Variants in PEDS1 observed in about 807,000 individuals in gnomAD.
PEDS1 encodes CarF homolog.
Under a neutral mutation model 35.2 loss-of-function variants are expected in PEDS1, and 14 were observed. The observed-to-expected ratio is 0.40, with a 90% CI of 0.26 to 0.62. The LOEUF is 0.62. Ranked by LOEUF, PEDS1 falls within the 20% of genes least tolerant of loss-of-function variation. The pLI is 0.44. For missense variants in PEDS1, 260 were observed against 367.8 expected (o/e 0.71, Z 2.40); for synonymous variants, 152 against 152.0 (o/e 1.00, Z 0.00).
At chr20:50,143,643 G>A in intron 1 of PEDS1, 22 bp from the exon 2 acceptor site, 10 of 1,613,588 alleles carry the variant, frequency 6.2e-6, no homozygotes, top group Non-Finnish European at 8.5e-6. Flanking sequence ...AGAGGCGAGA[G>A]GTAAAGGCTG....
At chr20:50,125,299 G>A (rs1391484674) in intron 5 of PEDS1, 120 bp from the exon 6 acceptor site, 3 of 1,343,610 alleles carry the variant, frequency 2.2e-6, no homozygotes, top group Non-Finnish European at 3.0e-6. Flanking sequence ...TACAGGATAG[G>A]ACACAGGGAC....
intron 2 of PEDS1, among the ~76,000 whole-genome samples, chr20:50,133,212 GGCCTGGGGT>G: frequency 6.6e-6 from 1 of 152,214 alleles, no homozygotes; most frequent in African/African-American, 2.4e-5. Flanking sequence ...CTGACGTCCA[GGCCTGGGGT>G]GAGGGGCAGC....
At chr20:50,147,505 G>T (rs1426503927) in intron 1 of PEDS1, among the ~76,000 whole-genome samples, 1 of 152,206 alleles carries the variant, frequency 6.6e-6, no homozygotes, top group Non-Finnish European at 1.5e-5. Context: ...CGTCAAGGAA[G>T]GAACTGAGTG....
At chr20:50,151,318 T>G (rs2081400509) in intron 1 of PEDS1, 1 of 1,303,194 alleles carries the variant, frequency 7.7e-7, no homozygotes, top group Non-Finnish European at 1.0e-6. Flanking sequence ...GAAGGGCACT[T>G]GGGGAAACCA....
In PEDS1 at chr20:50,122,933, TTA is replaced by T; in HGVS notation, c.*2123_*2124del. On this transcript the variant is annotated 3_prime_UTR_variant, in exon 6 of 6. Transcript: ENST00000371652. ...GACAACATAGTGAGACCCCATTTCT[TTA>T]AAAAAAAAAAAAAATAGCCAAGCCA... 1 of 109,804 alleles carries T rather than the reference TTA, an allele frequency of 9.1e-6. No homozygotes were observed. Among genetic ancestry groups the T allele is most frequent in the Non-Finnish European group, 1.8e-5 (1 of 55,858 alleles). The allele number at this position is 109,804 out of a possible 1,614,324, so 6.8% of individuals were successfully genotyped here.
At position 50,129,705 on chromosome 20, in the gene PEDS1, G is replaced by T; in HGVS notation, c.334-15C>A. 6.2e-7 allele frequency: 1 copy of T among 1,613,456 alleles called. No homozygotes were observed. Among genetic ancestry groups the T allele is most frequent in the East Asian group, 2.2e-5 (1 of 44,872 alleles). On this transcript the variant is annotated splice_polypyrimidine_tract_variant and intron_variant, in intron 3 of 5. Transcript: ENST00000371652. The surrounding 1 kb of genome is among the most constrained non-coding windows in gnomAD (Gnocchi z 4.2). ...CGGATGAAAGCCTGGAGTTGAGGGG[G>T]ACACAGCCCCAGCAGTCAGCCTAAG...
chr20:50,145,323 A>G (rs1197446982), intron 1 of PEDS1, among the ~76,000 whole-genome samples: 1 of 152,206 alleles, frequency 6.6e-6, no homozygotes, highest in African/African-American at 2.4e-5. Flanking sequence ...TGAGCCCAGG[A>G]GTTCAAGACC....
intron 1 of PEDS1, among the ~76,000 whole-genome samples, chr20:50,149,018 C>T (rs1016569654): frequency 3.3e-5 from 5 of 151,992 alleles, no homozygotes; most frequent in Non-Finnish European, 7.4e-5. Context: ...GAGGCTGAGG[C>T]GGGAGGATCA....
chr20:50,149,736 A>G (rs925941800), intron 1 of PEDS1, among the ~76,000 whole-genome samples: 2 of 152,100 alleles, frequency 1.3e-5, no homozygotes, highest in African/African-American at 4.8e-5. Context: ...CCTGCCCTGC[A>G]CACATGCTGT....
At position 50,124,874 on chromosome 20, in the gene PEDS1, AAAG is replaced by A. The variant is rs1025461873; in HGVS notation, c.*181_*183del. The stretch of plus-strand genomic sequence containing the variant: ...AGGAGGGGCCGAGGAAAAAAAAAAA[AAAG>A]AAATGAAAAATCAGTGGCTCAAGTA... On this transcript the variant is annotated 3_prime_UTR_variant, in exon 6 of 6. Coordinates refer to ENST00000371652, the MANE Select transcript of PEDS1 (RefSeq NM_199129.4). 1.3e-6 allele frequency: 1 copy of A among 792,364 alleles called. No individual in the cohort carries two copies. The highest frequency in any genetic ancestry group is 1.9e-6 in the Non-Finnish European group (1 of 518,192). 49.1% of individuals were successfully genotyped at this position (792,364 alleles called of 1,614,324 possible).
rs2081147312 is a variant in PEDS1 at position 50,129,298 on chromosome 20, C to T, written c.478+248G>A. 1.3e-5 allele frequency among the ~76,000 whole-genome samples: 2 copies of T among 152,214 alleles called. No individual in the cohort carries two copies. Among genetic ancestry groups the T allele is most frequent in the South Asian group, 4.1e-4 (2 of 4,836 alleles). ...AGACGCGTCCTGTCAAAGGCAGTGGCTGCAGCTCAGCTCCCACCCAGTGAG... is the reference window on the plus strand; with the variant it reads ...AGACGCGTCCTGTCAAAGGCAGTGGTTGCAGCTCAGCTCCCACCCAGTGAG... On this transcript the variant is annotated intron_variant, in intron 4 of 5. Coordinates refer to ENST00000371652, the MANE Select transcript of PEDS1 (RefSeq NM_199129.4). The surrounding 1 kb of genome is among the most constrained non-coding windows in gnomAD (Gnocchi z 4.2).
At chr20:50,151,976 T>C (rs1380828356) in intron 1 of PEDS1, among the ~76,000 whole-genome samples, 1 of 152,068 alleles carries the variant, frequency 6.6e-6, no homozygotes, top group Non-Finnish European at 1.5e-5. Context: ...AAGGGGCAGA[T>C]AAACTTTAAC....
At chr20:50,132,549 C>T (rs879191796) in intron 2 of PEDS1, among the ~76,000 whole-genome samples, 2 of 152,198 alleles carry the variant, frequency 1.3e-5, no homozygotes, top group Admixed American at 6.5e-5. Flanking sequence ...CCTCCCTGGA[C>T]ACCTGATGGA....
At chr20:50,131,684 T>G (rs1181081297) in intron 2 of PEDS1, among the ~76,000 whole-genome samples, 1 of 37,878 alleles carries the variant, frequency 2.6e-5, no homozygotes. Context: ...CCCCCACCCC[T>G]CCAGCTTTTA....
intron 1 of PEDS1, among the ~76,000 whole-genome samples, chr20:50,145,988 C>G (rs2081341610): frequency 6.6e-6 from 1 of 152,160 alleles, no homozygotes; most frequent in Non-Finnish European, 1.5e-5. Flanking sequence ...CCTAAGATCC[C>G]GCTCTCGCCC....
intron 2 of PEDS1, chr20:50,131,237 G>A (rs915439385): frequency 3.1e-6 from 2 of 651,846 alleles, no homozygotes; most frequent in African/African-American, 1.8e-5. Flanking sequence ...AGCAGGCTGT[G>A]CCCTTCTCTC....
chr20:50,147,702 G>A (rs1003353517), intron 1 of PEDS1, among the ~76,000 whole-genome samples: 2 of 152,108 alleles, frequency 1.3e-5, no homozygotes, highest in Non-Finnish European at 2.9e-5. Context: ...ATCTCTCTTT[G>A]GCCTCTGGAA....
intron 3 of PEDS1, 74 bp downstream of exon 3, chr20:50,130,782 G>A: frequency 6.4e-7 from 1 of 1,569,898 alleles, no homozygotes; most frequent in Non-Finnish European, 8.7e-7. Context: ...CAGTCTTAGA[G>A]AAGAAAGGGG....
intron 2 of PEDS1, among the ~76,000 whole-genome samples, chr20:50,131,980 G>C (rs575340720): frequency 6.6e-6 from 1 of 152,214 alleles, no homozygotes; most frequent in African/African-American, 2.4e-5. Flanking sequence ...GAGGTGGGCG[G>C]ATCACCTGAG....
Sources: allele counts gnomAD v4.1 joint callset (sites outside exome capture counted in the v4.1 genomes callset), GRCh38; gene constraint gnomAD v4.1.1; non-coding constraint Gnocchi (gnomAD v3.1); transcripts MANE v1.5; gene names NCBI Gene and HGNC (gene_info 2026-07-23, HGNC 2026-07-21).